The following RELN variants were observed in gnomAD, a reference collection of about 807,000 sequenced individuals.
RELN encodes reelin.
Under a neutral mutation model 427.6 loss-of-function variants are expected in RELN, and 108 were observed. That is an observed-to-expected ratio of 0.25 (90% CI 0.22 to 0.30). The LOEUF (loss-of-function observed/expected upper bound fraction) is 0.30. RELN is among the 10% of genes least tolerant of loss of function. RELN has a pLI of 1.00. For missense variants in RELN, 3,715 were observed against 4,302.8 expected (o/e 0.86, Z 3.82); for synonymous variants, 1,524 against 1,513.4 (o/e 1.01, Z -0.16).
At chr7:103,494,055 G>A (rs1828752413) in intron 57 of RELN, among the ~76,000 whole-genome samples, 1 of 152,102 alleles carries the variant, frequency 6.6e-6, no homozygotes, top group Admixed American at 6.5e-5. Flanking sequence ...GGGCCACAAT[G>A]TGAACCTGGG....
In RELN at chr7:103,968,674, A is replaced by G. The variant is rs1796704656; in HGVS notation, c.226+20457T>C. Among the ~76,000 whole-genome samples, 1 of 152,208 alleles carries G rather than the reference A, an allele frequency of 6.6e-6. No homozygotes were observed. Among genetic ancestry groups the G allele is most frequent in the African/African-American group, 2.4e-5 (1 of 41,444 alleles). The stretch of plus-strand genomic sequence containing the variant: ...TTCTGCAACTTATTTGCAACTAAAG[A>G]AAAGAGGCATTAGATTATTAAGAAC... On this transcript the variant is annotated intron_variant, in intron 1 of 64. Coordinates refer to ENST00000428762, the MANE Select transcript of RELN (RefSeq NM_005045.4). This position sits in a 1 kb window ranked among gnomAD's most constrained non-coding sequence, Gnocchi z 4.3.
intron 8 of RELN, among the ~76,000 whole-genome samples, chr7:103,711,573 T>C (rs918746790): frequency 3.3e-5 from 5 of 152,216 alleles, no homozygotes; most frequent in South Asian, 4.1e-4. Context: ...TTTGACTCAA[T>C]TAAAATATTT....
intron 27 of RELN, among the ~76,000 whole-genome samples, chr7:103,592,870 A>C (rs1428241064): frequency 2.0e-5 from 3 of 152,216 alleles, no homozygotes; most frequent in African/African-American, 7.2e-5. Context: ...ATTGTAGTTT[A>C]GCATCAGAAT....
At position 103,657,505 on chromosome 7, in the gene RELN, C is replaced by A. The variant is rs76351952; in HGVS notation, c.1442-3300G>T. The stretch of plus-strand genomic sequence containing the variant: ...GGGTTTAGTGCACCATACCTAATGA[C>A]GCAGGCACTGAACTATCAGTTTTCT... On this transcript the variant is annotated intron_variant, in intron 12 of 64. Coordinates refer to ENST00000428762, the MANE Select transcript of RELN (RefSeq NM_005045.4). Among the ~76,000 whole-genome samples, 113 of 152,080 alleles carry A rather than the reference C, an allele frequency of 7.4e-4. 1 individual carries two copies. In the East Asian group the frequency reaches 0.021, roughly 28 times the overall value.
chr7:103,544,400 T>C (rs1304022289), intron 42 of RELN, among the ~76,000 whole-genome samples: 5 of 151,866 alleles, frequency 3.3e-5, no homozygotes, highest in Non-Finnish European at 5.9e-5. Context: ...GGCTTTTTTG[T>C]ATTTTTAGTA....
chr7:103,488,163 ATATTCAG>A (rs1316725709), intron 60 of RELN, among the ~76,000 whole-genome samples: 1 of 151,786 alleles, frequency 6.6e-6, no homozygotes, highest in East Asian at 1.9e-4. Context: ...AAAAAAAAAG[ATATTCAG>A]TAATGAAGCT....
In RELN at chr7:103,561,577, C is replaced by CA; in HGVS notation, c.5483dup (p.Asn1829GlufsTer3). On this transcript the variant is annotated frameshift_variant, in exon 36 of 65. Transcript: ENST00000428762. LOFTEE classifies it high-confidence loss of function. ...TTCCAGATTTGATGGTTTCACCATT[C>CA]AGATTCCCCCTCTCTGCACCATACA... The CA allele has an allele frequency of 6.2e-7, 1 of 1,613,876 alleles. No individual in the cohort carries two copies. The highest frequency in any genetic ancestry group is 8.5e-7 in the Non-Finnish European group (1 of 1,179,850).
intron 2 of RELN, among the ~76,000 whole-genome samples, chr7:103,900,900 C>G (rs187141036): frequency 6.6e-6 from 1 of 151,814 alleles, no homozygotes; most frequent in Admixed American, 6.6e-5. Flanking sequence ...TAGAAGAAAA[C>G]CTGGGCAATA....
intron 1 of RELN, among the ~76,000 whole-genome samples, chr7:103,935,246 C>G (rs1333630194): frequency 7.9e-5 from 12 of 152,206 alleles, no homozygotes; most frequent in Non-Finnish European, 1.8e-4. Context: ...CCTCAATCCC[C>G]ATTTACTTTT....
At chr7:103,828,212 A>G (rs1188824286) in intron 3 of RELN, among the ~76,000 whole-genome samples, 4 of 152,054 alleles carry the variant, frequency 2.6e-5, no homozygotes, top group Non-Finnish European at 4.4e-5. Flanking sequence ...AGATACACTC[A>G]AGGCAGCACT....
At chr7:103,636,177 A>G in intron 18 of RELN, 58 bp downstream of exon 18, 1 of 1,098,914 alleles carries the variant, frequency 9.1e-7, no homozygotes, top group Non-Finnish European at 1.4e-6. Context: ...TGGACAGTAT[A>G]ACTAAATTCA....
intron 11 of RELN, among the ~76,000 whole-genome samples, chr7:103,676,011 T>C (rs1294422983): frequency 6.6e-6 from 1 of 152,170 alleles, no homozygotes; most frequent in African/African-American, 2.4e-5. Flanking sequence ...CCAAAAGCAA[T>C]GGCAACAAAA....
intron 27 of RELN, among the ~76,000 whole-genome samples, chr7:103,590,334 C>T (rs1036383065): frequency 2.6e-5 from 4 of 151,956 alleles, no homozygotes; most frequent in South Asian, 2.1e-4. Context: ...GAGGCTGAGG[C>T]GGGTGGATCA....
Position 103,818,804 on chromosome 7 carries a change from G to A in RELN, c.473+14733C>T, listed in dbSNP as rs574722533. On this transcript the variant is annotated intron_variant, in intron 3 of 64. Transcript: ENST00000428762. Reference sequence around the variant, plus strand: ...GAAAACACTCATAATATAATGTAATGTTAGAGTTTTTTTCAAGCTAGATTA... The same window carrying A: ...GAAAACACTCATAATATAATGTAATATTAGAGTTTTTTTCAAGCTAGATTA... Among the ~76,000 whole-genome samples the A allele has an allele frequency of 4.0e-5, 6 of 151,828 alleles. No homozygotes were observed. The East Asian group carries it at 1.2e-3, about 30-fold the overall frequency.
At chr7:103,746,885 AC>A (rs1276291695) in intron 6 of RELN, among the ~76,000 whole-genome samples, 1 of 151,972 alleles carries the variant, frequency 6.6e-6, no homozygotes, top group African/African-American at 2.4e-5. Context: ...AACTAGAAAT[AC>A]CATTTGACCC....
intron 2 of RELN, among the ~76,000 whole-genome samples, chr7:103,898,821 T>C (rs1432974874): frequency 6.6e-6 from 1 of 152,096 alleles, no homozygotes; most frequent in Non-Finnish European, 1.5e-5. Flanking sequence ...TTGTTCATCA[T>C]TTTAATTTTT....
chr7:103,633,476 T>C (rs1274118676), intron 19 of RELN, among the ~76,000 whole-genome samples: 4 of 139,410 alleles, frequency 2.9e-5, no homozygotes, highest in Non-Finnish European at 6.4e-5. Flanking sequence ...CAGAGATAAA[T>C]ATATATATAT....
chr7:103,890,043 T>A (rs957579744), intron 2 of RELN, among the ~76,000 whole-genome samples: 2 of 152,140 alleles, frequency 1.3e-5, no homozygotes, highest in Admixed American at 1.3e-4. Context: ...TCTCTCACGT[T>A]TGACTTCACT....
intron 2 of RELN, among the ~76,000 whole-genome samples, chr7:103,855,179 T>C (rs572625339): frequency 1.3e-5 from 2 of 152,172 alleles, no homozygotes; most frequent in Non-Finnish European, 2.9e-5. Context: ...TCTTGGGAAG[T>C]TTGTTGCAAA....
Sources: gnomAD v4.1 joint callset for allele counts (sites outside exome capture counted in the v4.1 genomes callset) on GRCh38, gnomAD v4.1.1 for gene constraint, Gnocchi (gnomAD v3.1) non-coding constraint, MANE v1.5 for transcripts, NCBI Gene and HGNC (gene_info 2026-07-23, HGNC 2026-07-21) for gene names.